Variants in TEC observed in about 807,000 individuals in gnomAD.
TEC encodes the protein tec protein tyrosine kinase.
A neutral mutation model predicts 93.0 loss-of-function variants in TEC; 72 were observed. The ratio of observed to expected loss-of-function variants is 0.77; its 90% CI spans 0.64 to 0.94. TEC has a LOEUF of 0.94. TEC is among the 40% of genes least tolerant of loss of function. The pLI, the probability that TEC is intolerant of heterozygous loss-of-function variation, is 0.00. For missense variants in TEC, 630 were observed against 757.9 expected (o/e 0.83, Z 1.98); for synonymous variants, 249 against 247.7 (o/e 1.01, Z -0.05).
chr4:48,142,685 T>G, intron 14 of TEC, among the ~76,000 whole-genome samples: 1 of 152,074 alleles, frequency 6.6e-6, no homozygotes. Context: ...TTTAATTTTT[T>G]AATTTTTTAT....
chr4:48,218,598 G>T lies in TEC; in HGVS notation c.138+9879C>A, dbSNP rs1200748106. 2.0e-5 allele frequency among the ~76,000 whole-genome samples: 3 copies of T among 152,202 alleles called. 1 individual carries two copies. The highest frequency in any genetic ancestry group is 4.1e-4 in the South Asian group (2 of 4,834). On this transcript the variant is annotated intron_variant, in intron 2 of 17. Coordinates refer to ENST00000381501, the MANE Select transcript of TEC (RefSeq NM_003215.3). ...TGAAAGATACAAACCTTCAGGTAAA[G>T]ATTAGAAGGACCCAATAAACCTACA...
chr4:48,225,389 C>T (rs1475388487), intron 2 of TEC, among the ~76,000 whole-genome samples: 1 of 152,150 alleles, frequency 6.6e-6, no homozygotes, highest in African/African-American at 2.4e-5. Flanking sequence ...GTTGGCCAGG[C>T]TGATCTCAAA....
chr4:48,144,218 GA>G (rs1181587165), intron 14 of TEC, among the ~76,000 whole-genome samples: 2 of 151,558 alleles, frequency 1.3e-5, no homozygotes, highest in Non-Finnish European at 2.9e-5. Context: ...TGTCTCAAAG[GA>G]AAAAAAAATT....
At chr4:48,178,741 C>T (rs1458635754) in intron 2 of TEC, among the ~76,000 whole-genome samples, 1 of 152,208 alleles carries the variant, frequency 6.6e-6, no homozygotes, top group Non-Finnish European at 1.5e-5. Flanking sequence ...CTGCTAAGGG[C>T]TTCTCCCACC....
chr4:48,172,921 T>A (rs2109550690), intron 3 of TEC, among the ~76,000 whole-genome samples: 1 of 152,264 alleles, frequency 6.6e-6, no homozygotes, highest in African/African-American at 2.4e-5. Context: ...CATTGAGATG[T>A]CTGGAAAAGA....
chr4:48,141,659 A>T (rs899355961), intron 14 of TEC: 5 of 394,564 alleles, frequency 1.3e-5, no homozygotes, highest in African/African-American at 1.1e-4. Context: ...AATCTTTACC[A>T]ATTGTCTTTT....
intron 14 of TEC, among the ~76,000 whole-genome samples, chr4:48,143,374 G>GT (rs549028043): frequency 3.8e-4 from 58 of 152,314 alleles, no homozygotes; most frequent in Non-Finnish European, 7.5e-4. Flanking sequence ...TAGATACTCA[G>GT]TTTTTATCAG....
chr4:48,210,557 C>A (rs1283208347), intron 2 of TEC, among the ~76,000 whole-genome samples: 8 of 151,796 alleles, frequency 5.3e-5, no homozygotes, highest in Non-Finnish European at 1.2e-4. Context: ...GAAAGAAAAA[C>A]TAAAACTGAG....
At chr4:48,224,838 C>T (rs934764217) in intron 2 of TEC, among the ~76,000 whole-genome samples, 1 of 152,178 alleles carries the variant, frequency 6.6e-6, no homozygotes, top group Non-Finnish European at 1.5e-5. Context: ...TTGCTGTCAT[C>T]ATGTTGAAGA....
chr4:48,242,391 T>A (rs1025161254), intron 1 of TEC, among the ~76,000 whole-genome samples: 22 of 152,212 alleles, frequency 1.4e-4, no homozygotes, highest in Admixed American at 9.2e-4. Context: ...TAAGTATTTA[T>A]CGGATGACAA....
At chr4:48,257,072 C>T (rs1391994307) in intron 1 of TEC, among the ~76,000 whole-genome samples, 10 of 152,112 alleles carry the variant, frequency 6.6e-5, no homozygotes, top group Admixed American at 1.3e-4. Flanking sequence ...TTTGGTAGAA[C>T]TACATTTCAC....
At chr4:48,176,595 G>A (rs1433633768) in intron 2 of TEC, among the ~76,000 whole-genome samples, 5 of 152,198 alleles carry the variant, frequency 3.3e-5, no homozygotes, top group East Asian at 3.9e-4. Context: ...GGTGCTGTGC[G>A]CCTGTAATCC....
chr4:48,168,004 T>A, intron 6 of TEC, 51 bp from the exon 7 acceptor site: 1 of 1,556,264 alleles, frequency 6.4e-7, no homozygotes, highest in Non-Finnish European at 8.8e-7. Context: ...ATGAAACTGA[T>A]CATGAATCAA....
At chr4:48,182,479 T>C (rs1273508116) in intron 2 of TEC, among the ~76,000 whole-genome samples, 1 of 151,778 alleles carries the variant, frequency 6.6e-6, no homozygotes, top group Non-Finnish European at 1.5e-5. Context: ...TGACACTTAG[T>C]GGATACTAAT....
At chr4:48,187,113 G>A (rs537555605) in intron 2 of TEC, among the ~76,000 whole-genome samples, 16 of 152,356 alleles carry the variant, frequency 1.1e-4, no homozygotes, top group African/African-American at 3.8e-4. Flanking sequence ...TTGGGATGCT[G>A]TTAATCTATA....
intron 2 of TEC, among the ~76,000 whole-genome samples, chr4:48,224,310 T>C (rs1409242822): frequency 6.6e-6 from 1 of 152,238 alleles, no homozygotes; most frequent in African/African-American, 2.4e-5. Flanking sequence ...CAAATTTACA[T>C]ACTACTTCAA....
intron 2 of TEC, among the ~76,000 whole-genome samples, chr4:48,191,269 T>A (rs1722085213): frequency 2.0e-5 from 3 of 152,220 alleles, no homozygotes; most frequent in Admixed American, 1.3e-4. Context: ...TTTGGTTTGT[T>A]TTTGCCTTTA....
At chr4:48,140,242 G>A (rs889056624) in intron 15 of TEC, among the ~76,000 whole-genome samples, 3 of 152,182 alleles carry the variant, frequency 2.0e-5, no homozygotes, top group Non-Finnish European at 4.4e-5. Flanking sequence ...CATTCCTGGC[G>A]CTGCCCGTTG....
intron 1 of TEC, among the ~76,000 whole-genome samples, chr4:48,266,796 C>T (rs1247230602): frequency 1.3e-5 from 2 of 151,280 alleles, no homozygotes; most frequent in Non-Finnish European, 2.9e-5. Flanking sequence ...CAAGATCGTG[C>T]CATTGCATTC....
Sources: gnomAD v4.1 joint callset for allele counts (sites outside exome capture counted in the v4.1 genomes callset) on GRCh38, gnomAD v4.1.1 for gene constraint, MANE v1.5 for transcripts, NCBI Gene and HGNC (gene_info 2026-07-23, HGNC 2026-07-21) for gene names.